Variants in AFG2A observed in about 807,000 individuals in gnomAD.
AFG2A encodes ATPase family gene 2 protein homolog A.
chr4:123,174,429 G>A, the AFG2A span, among the ~76,000 whole-genome samples: 3 of 151,966 alleles, frequency 2.0e-5, no homozygotes, highest in Non-Finnish European at 4.4e-5. Context: ...ATTATAATAA[G>A]ACTTTTGGGG....
At chr4:123,004,090 G>A in the AFG2A span, among the ~76,000 whole-genome samples, 5 of 152,190 alleles carry the variant, frequency 3.3e-5, no homozygotes, top group African/African-American at 4.8e-5. Flanking sequence ...GCGAGACTCC[G>A]TGGGCGTAGG....
the AFG2A span, among the ~76,000 whole-genome samples, chr4:123,228,664 A>C: frequency 6.6e-6 from 1 of 151,972 alleles, no homozygotes; most frequent in Admixed American, 6.6e-5. Context: ...CGGAGAGGCA[A>C]CTAGAATTAA....
chr4:123,300,141 G>T, the AFG2A span, among the ~76,000 whole-genome samples: 212 of 152,222 alleles, frequency 1.4e-3, no homozygotes, highest in African/African-American at 4.9e-3. Flanking sequence ...TCTTGCAAGG[G>T]AGTTTAGGTA....
chr4:123,253,930 T>C, the AFG2A span, among the ~76,000 whole-genome samples: 3 of 152,206 alleles, frequency 2.0e-5, no homozygotes, highest in African/African-American at 7.2e-5. Flanking sequence ...TGGTATCTCA[T>C]TGTGGCTTAA....
At chr4:123,051,223 G>A in the AFG2A span, among the ~76,000 whole-genome samples, 2 of 151,356 alleles carry the variant, frequency 1.3e-5, no homozygotes, top group African/African-American at 2.4e-5. Context: ...TTCTCTGGTA[G>A]CATGTTTTAA....
the AFG2A span, among the ~76,000 whole-genome samples, chr4:123,064,153 C>A: frequency 6.6e-6 from 1 of 152,034 alleles, no homozygotes; most frequent in Non-Finnish European, 1.5e-5. Flanking sequence ...AATTACGGCA[C>A]CTTTGAATAA....
At chr4:123,129,697 A>C in the AFG2A span, among the ~76,000 whole-genome samples, 26 of 152,034 alleles carry the variant, frequency 1.7e-4, no homozygotes, top group African/African-American at 6.0e-4. Flanking sequence ...AGAATGTTGC[A>C]GTTTGTCAAG....
chr4:123,041,835 GT>G, the AFG2A span, among the ~76,000 whole-genome samples: 2 of 152,088 alleles, frequency 1.3e-5, no homozygotes, highest in Admixed American at 6.6e-5. Context: ...GCCTGAAACA[GT>G]TTTTCAAAAA....
the AFG2A span, among the ~76,000 whole-genome samples, chr4:123,161,281 A>G: frequency 6.6e-6 from 1 of 152,182 alleles, no homozygotes; most frequent in East Asian, 1.9e-4. Context: ...TTTGGCCTCA[A>G]AATTAGAACC....
the AFG2A span, among the ~76,000 whole-genome samples, chr4:123,179,555 A>C: frequency 6.6e-6 from 1 of 152,042 alleles, no homozygotes; most frequent in Non-Finnish European, 1.5e-5. Context: ...GTAGAGATAG[A>C]GTTTCACCAT....
the AFG2A span, chr4:122,923,295 A>G: frequency 6.2e-7 from 1 of 1,613,842 alleles, no homozygotes; most frequent in Non-Finnish European, 8.5e-7. Context: ...TGACCAACTT[A>G]TTAGAAAAGG....
chr4:122,957,948 ATG>A, the AFG2A span, among the ~76,000 whole-genome samples: 1 of 152,216 alleles, frequency 6.6e-6, no homozygotes, highest in Non-Finnish European at 1.5e-5. Context: ...TTTGAGAAAT[ATG>A]TGTGAAATCT....
At chr4:123,005,630 A>G in the AFG2A span, among the ~76,000 whole-genome samples, 4 of 152,236 alleles carry the variant, frequency 2.6e-5, no homozygotes, top group Admixed American at 6.5e-5. Flanking sequence ...ATTCAAAGCC[A>G]TAAACATTCA....
chr4:123,210,466 T>TAAA, the AFG2A span, among the ~76,000 whole-genome samples: 1 of 152,212 alleles, frequency 6.6e-6, no homozygotes, highest in Non-Finnish European at 1.5e-5. Context: ...CTGGTTTATT[T>TAAA]CACTTTATGT....
the AFG2A span, chr4:123,313,764 A>G: frequency 2.4e-6 from 2 of 847,418 alleles, no homozygotes; most frequent in Non-Finnish European, 1.7e-6. Flanking sequence ...TCTTGCAGAT[A>G]AATTTTAGCA....
chr4:123,028,937 T>C, the AFG2A span, among the ~76,000 whole-genome samples: 1 of 152,248 alleles, frequency 6.6e-6, no homozygotes, highest in Admixed American at 6.5e-5. Context: ...GATATGTAGT[T>C]GTACACTTAC....
chr4:123,171,217 C>G, the AFG2A span, among the ~76,000 whole-genome samples: 1 of 152,036 alleles, frequency 6.6e-6, no homozygotes, highest in Non-Finnish European at 1.5e-5. Context: ...GCAGTTAATG[C>G]TTATAAAAGT....
chr4:123,098,671 T>C, the AFG2A span, among the ~76,000 whole-genome samples: 23 of 152,148 alleles, frequency 1.5e-4, no homozygotes, highest in African/African-American at 5.5e-4. Flanking sequence ...TCCAGGTTGA[T>C]CCATATTGTC....
chr4:123,177,607 C>T, the AFG2A span, among the ~76,000 whole-genome samples: 1 of 152,286 alleles, frequency 6.6e-6, no homozygotes, highest in Admixed American at 6.5e-5. Context: ...CTTGTGTCTT[C>T]ACTTCATCTT....
Sources: gnomAD v4.1 joint callset for allele counts (sites outside exome capture counted in the v4.1 genomes callset) on GRCh38, gnomAD v4.1.1 for gene constraint, MANE v1.5 for transcripts, NCBI Gene and HGNC (gene_info 2026-07-23, HGNC 2026-07-21) for gene names.